Variants in TEX29 observed in about 807,000 individuals in gnomAD.
TEX29 encodes testis expressed 29.
TEX29 carries 26 observed loss-of-function variants against 18.2 expected under a neutral mutation model. The ratio of observed to expected loss-of-function variants is 1.43; its 90% confidence interval spans 1.04 to 1.98. The LOEUF is 1.98. Ranked by LOEUF, TEX29 falls within the 30% of genes most tolerant of loss-of-function variation. TEX29 has a pLI of 0.00. For missense variants in TEX29, 177 were observed against 194.2 expected, an observed-to-expected ratio of 0.91 and a Z score of 0.53; for synonymous variants, 83 against 78.5, an observed-to-expected ratio of 1.06 and a Z score of -0.31.
At chr13:111,336,865 T>C (rs1277549324) in intron 3 of TEX29, among the ~76,000 whole-genome samples, 1 of 152,206 alleles carries the variant, frequency 6.6e-6, no homozygotes, top group African/African-American at 2.4e-5. Flanking sequence ...TTTAGGAGCT[T>C]GGCATCAACG....
chr13:111,343,353 C>T (rs2093699812), intron 5 of TEX29, among the ~76,000 whole-genome samples: 1 of 139,826 alleles, frequency 7.2e-6, no homozygotes, highest in Admixed American at 7.1e-5. Context: ...CTTGGTTGTG[C>T]AGGGAGGCTG....
chr13:111,329,568 A>T (rs1329730265), intron 3 of TEX29, among the ~76,000 whole-genome samples: 1 of 151,828 alleles, frequency 6.6e-6, no homozygotes, highest in African/African-American at 2.4e-5. Flanking sequence ...ATTTCCAAGT[A>T]GTGACCTGCT....
chr13:111,320,797 G>A (rs1021490640), intron 1 of TEX29, 35 bp downstream of exon 1: 22 of 1,528,472 alleles, frequency 1.4e-5, no homozygotes, highest in Middle Eastern at 1.7e-4. Flanking sequence ...GGTGTGAGCC[G>A]CCCGCTCCCC....
chr13:111,328,064 TAAC>T lies in TEX29; in HGVS notation c.59-116_59-114del, dbSNP rs570156717. 195 of 635,416 alleles carry T rather than the reference TAAC, an allele frequency of 3.1e-4. 1 individual carries two copies. The African/African-American group carries it at 3.1e-3, about 10-fold the overall frequency. The allele number at this position is 635,416 out of a possible 1,614,324, so 39.4% of individuals were successfully genotyped here. A position where few individuals can be genotyped will look rare whatever the true frequency, so the allele number is the denominator to read the frequency against. ...TTTGCAGGATGCGTAATTGAGAAAA[TAAC>T]AAAACCACAACACAAACCCACAGCT... On this transcript the variant is annotated intron_variant, in intron 2 of 5. Transcript: ENST00000283547.
upstream of TEX29, chr13:111,320,608 G>A (rs554656421): frequency 2.8e-4 from 147 of 530,142 alleles, no homozygotes; most frequent in Admixed American, 3.8e-4. Context: ...CACAGCGGGC[G>A]GGGTGGTGTG....
chr13:111,339,764 G>A, intron 3 of TEX29, 99 bp from the exon 4 acceptor site: 2 of 1,223,588 alleles, frequency 1.6e-6, no homozygotes, highest in Non-Finnish European at 2.4e-6. Flanking sequence ...GCCGCGCCGG[G>A]AGGGCCCGCA....
chr13:111,320,801 G>A lies in TEX29; in HGVS notation c.-35+39G>A, dbSNP rs538435726. On this transcript the variant is annotated intron_variant, in intron 1 of 5. Transcript: ENST00000283547. Reference sequence around the variant, plus strand: ...CGCCCCCTCCTGGTGTGAGCCGCCCGCTCCCCAAACGACGTCCCCAGGGCC... The same window carrying A: ...CGCCCCCTCCTGGTGTGAGCCGCCCACTCCCCAAACGACGTCCCCAGGGCC... 9.1e-5 allele frequency: 141 copies of A among 1,547,578 alleles called. No individual in the cohort carries two copies. The African/African-American group carries it at 1.5e-3, about 16-fold the overall frequency.
chr13:111,343,761 A>G (rs1052047620), intron 5 of TEX29, among the ~76,000 whole-genome samples: 9 of 152,172 alleles, frequency 5.9e-5, no homozygotes, highest in African/African-American at 2.2e-4. Context: ...TAAGAGGGCA[A>G]CCCACACTTG....
At chr13:111,325,931 G>A (rs1178217942) in intron 2 of TEX29, among the ~76,000 whole-genome samples, 1 of 152,258 alleles carries the variant, frequency 6.6e-6, no homozygotes, top group Non-Finnish European at 1.5e-5. Context: ...GTCACCTGGA[G>A]CAAGTCTTCA....
chr13:111,342,813 G>A lies in TEX29; in HGVS notation c.297G>A (p.Gln99=). ...TCCCTGTGGATGTCGCGCTGCCACA[G>A]AAGTCCAGCGAAAAGGCGGAGTTGG... ...KAIPVDVALP[Q]KSSEKAELAS... Residue 99 remains glutamine (Q), a synonymous_variant, in exon 5 of 6, where the codon CAG becomes CAA. Coordinates refer to ENST00000283547, the MANE Select transcript of TEX29 (RefSeq NM_152324.3). 1 of 1,614,138 alleles carries A rather than the reference G, an allele frequency of 6.2e-7. No individual in the cohort carries two copies. The highest frequency in any genetic ancestry group is 1.1e-5 in the South Asian group (1 of 91,074).
intron 3 of TEX29, among the ~76,000 whole-genome samples, chr13:111,335,907 A>T (rs1164080015): frequency 6.6e-6 from 1 of 152,096 alleles, no homozygotes; most frequent in East Asian, 1.9e-4. Context: ...TCCCCTGAGC[A>T]CCTTTTTATC....
At chr13:111,327,104 C>T (rs2093675296) in intron 2 of TEX29, among the ~76,000 whole-genome samples, 1 of 152,228 alleles carries the variant, frequency 6.6e-6, no homozygotes, top group Non-Finnish European at 1.5e-5. Flanking sequence ...AAATCACACA[C>T]AGCCACCCCA....
chr13:111,321,052 TC>T, intron 2 of TEX29, 104 bp downstream of exon 2: 1 of 1,324,322 alleles, frequency 7.6e-7, no homozygotes, highest in South Asian at 1.3e-5. Context: ...GGGGTCCTGG[TC>T]CCAGACCTGG....
At chr13:111,335,280 A>T (rs1254641437) in intron 3 of TEX29, among the ~76,000 whole-genome samples, 1 of 152,188 alleles carries the variant, frequency 6.6e-6, no homozygotes, top group African/African-American at 2.4e-5. Context: ...GGAGTCCATT[A>T]TCCTTCACCT....
At chr13:111,331,310 T>G (rs1231532893) in intron 3 of TEX29, among the ~76,000 whole-genome samples, 3 of 114,894 alleles carry the variant, frequency 2.6e-5, no homozygotes, top group African/African-American at 9.6e-5. Flanking sequence ...TGTTCACCAT[T>G]GTTGCATTTT....
At chr13:111,320,979 G>C in intron 2 of TEX29, 31 bp downstream of exon 2, 1 of 1,315,032 alleles carries the variant, frequency 7.6e-7, no homozygotes, top group East Asian at 2.6e-5. Context: ...GGGGGCGGGT[G>C]GGGTGGGGGA....
At position 111,320,932 on chromosome 13, in the gene TEX29, C is replaced by G. The variant is rs1306256889; in HGVS notation, c.42C>G (p.Leu14=). The G allele has an allele frequency of 3.1e-6, 5 of 1,600,164 alleles. No individual in the cohort carries two copies. Among genetic ancestry groups the G allele is most frequent in the Non-Finnish European group, 4.3e-6 (5 of 1,174,814 alleles). ...AAGTGAAGAACTCTCCGCGGCACCT[C>G]CTGAAGCAATTCACAGGTATGGAGG... ...VLEVKNSPRH[L]LKQFTVCDVP... is the part of the protein sequence containing the mutation. The change falls in exon 2 of 6, where the codon CTC becomes CTG. Residue 14 remains leucine (L), a synonymous_variant. Coordinates refer to ENST00000283547, the MANE Select transcript of TEX29 (RefSeq NM_152324.3).
In TEX29 at chr13:111,328,230, G is replaced by A; in HGVS notation, c.106G>A (p.Asp36Asn). The change falls in exon 3 of 6, where the codon GAC becomes AAC. Residue 36 changes from aspartate (D) to asparagine (N), a missense_variant. Transcript: ENST00000283547. ...YDICDYNVSRDRCQELGCCFY... is the reference protein window; with the variant it reads ...YDICDYNVSRNRCQELGCCFY... ...CATTTGTGACTACAACGTCTCCAGG[G>A]ACCGATGCCAGGAGCTCGGGTGCTG... is the stretch of plus-strand genomic sequence containing the variant. The A allele has an allele frequency of 1.2e-6, 2 of 1,614,114 alleles. No homozygotes were observed. Among genetic ancestry groups the A allele is most frequent in the Non-Finnish European group, 1.7e-6 (2 of 1,180,016 alleles).
chr13:111,335,381 G>A lies in TEX29; in HGVS notation c.170-4482G>A, dbSNP rs181230574. On this transcript the variant is annotated intron_variant, in intron 3 of 5. Transcript: ENST00000283547. The stretch of plus-strand genomic sequence containing the variant: ...GGTTCCAGGCCTTCCAGTGTTGAAC[G>A]GCCTCTCATATGGCTTCATTCCAGC... Among the ~76,000 whole-genome samples the A allele has an allele frequency of 7.2e-5, 11 of 152,280 alleles. No individual in the cohort carries two copies. In the South Asian group the frequency reaches 8.3e-4, roughly 11 times the overall value.
Sources: allele counts gnomAD v4.1 joint callset (sites outside exome capture counted in the v4.1 genomes callset), GRCh38; gene constraint gnomAD v4.1.1; transcripts MANE v1.5; gene names NCBI Gene and HGNC (gene_info 2026-07-23, HGNC 2026-07-21).